Variants in SLC5A12 observed in about 807,000 individuals in gnomAD.
SLC5A12 encodes the protein solute carrier family 5 member 12, also known as sodium-coupled monocarboxylate transporter 2.
A neutral mutation model predicts 72.7 loss-of-function variants in SLC5A12; 46 were observed. That is an observed-to-expected ratio of 0.63 (90% confidence interval 0.50 to 0.81). SLC5A12 has a LOEUF of 0.81. SLC5A12 is among the 30% of genes least tolerant of loss of function. The probability of loss-of-function intolerance (pLI) is 0.00; values close to 1 mark genes in which losing one functional copy is unlikely to be tolerated. For synonymous variants in SLC5A12, 275 were observed against 264.4 expected (o/e 1.04, Z -0.39); for missense variants, 683 against 740.7 (o/e 0.92, Z 0.90).
At chr11:26,701,231 C>T (rs2133191121) in intron 6 of SLC5A12, among the ~76,000 whole-genome samples, 1 of 152,286 alleles carries the variant, frequency 6.6e-6, no homozygotes, top group Non-Finnish European at 1.5e-5. Flanking sequence ...TTTCTCTCTC[C>T]TGAATTTTAT....
chr11:26,689,816 T>A (rs545770134), intron 9 of SLC5A12, among the ~76,000 whole-genome samples: 44 of 152,210 alleles, frequency 2.9e-4, no homozygotes, highest in African/African-American at 1.1e-3. Flanking sequence ...AATAGACAAC[T>A]GGATGAATAC....
chr11:26,709,759 G>T (rs955833141), intron 3 of SLC5A12, among the ~76,000 whole-genome samples: 4 of 152,038 alleles, frequency 2.6e-5, no homozygotes, highest in Non-Finnish European at 4.4e-5. Flanking sequence ...GGCCTTAGAG[G>T]TTCCACTAGG....
rs1049105024 is a variant in SLC5A12, at chr11:26,667,874, C to T, written c.*3228G>A. On this transcript the variant is annotated 3_prime_UTR_variant, in exon 15 of 15. Coordinates refer to ENST00000396005, the MANE Select transcript of SLC5A12 (RefSeq NM_178498.4). The stretch of plus-strand genomic sequence containing the variant: ...TCAAAATAGTAACATATATTCTGAT[C>T]CCACATCTTAAAAATCCTGAAGAGA... 1.3e-5 allele frequency: 2 copies of T among 151,676 alleles called. No homozygotes were observed. The highest frequency in any genetic ancestry group is 2.1e-4 in the South Asian group (1 of 4,786). 9.4% of individuals were successfully genotyped at this position (151,676 alleles called of 1,614,324 possible). A position where few individuals can be genotyped will look rare whatever the true frequency, so the allele number is the denominator to read the frequency against.
chr11:26,698,496 C>A lies in SLC5A12; in HGVS notation c.861G>T (p.Leu287=), dbSNP rs753462089. The change falls in exon 7 of 15, where the codon CTG becomes CTT. Residue 287 remains leucine (L), a synonymous_variant. Coordinates refer to ENST00000396005, the MANE Select transcript of SLC5A12 (RefSeq NM_178498.4). ...YFNLLGLWII[L]VCAVFSGLIM... ...TTAAGCCAGAGAAGACAGCACACAC[C>A]AGAATGATCCAGAGACCCAGCAAGT... 1 of 1,613,932 alleles carries A rather than the reference C, an allele frequency of 6.2e-7. No individual in the cohort carries two copies. The highest frequency in any genetic ancestry group is 8.5e-7 in the Non-Finnish European group (1 of 1,179,946).
chr11:26,681,479 A>G (rs557388462), intron 11 of SLC5A12, among the ~76,000 whole-genome samples: 2 of 152,250 alleles, frequency 1.3e-5, no homozygotes, highest in East Asian at 1.9e-4. Context: ...AGCAATAATT[A>G]TTTTTCTCCT....
intron 4 of SLC5A12, among the ~76,000 whole-genome samples, chr11:26,705,265 T>C (rs573421511): frequency 2.0e-5 from 3 of 152,078 alleles, no homozygotes; most frequent in South Asian, 2.1e-4. Flanking sequence ...GAGAGGCTGT[T>C]GTAGTATTAC....
chr11:26,683,832 G>A lies in SLC5A12; in HGVS notation c.1233C>T (p.Ser411=). ...VMGGVVQASL[S]IHGMCGGPML... ...TTGGTCCTCCACACATGCCGTGAATGCTGAGGGAAGCCTGTGGAACAAAGG... is the reference window on the plus strand; with the variant it reads ...TTGGTCCTCCACACATGCCGTGAATACTGAGGGAAGCCTGTGGAACAAAGG... Residue 411 remains serine (S), a synonymous_variant, in exon 11 of 15, where the codon AGC becomes AGT. Transcript: ENST00000396005. 6.3e-7 allele frequency: 1 copy of A among 1,594,392 alleles called. No homozygotes were observed. The highest frequency in any genetic ancestry group is 8.5e-7 in the Non-Finnish European group (1 of 1,170,948).
chr11:26,683,715 A>C (rs1590713199), intron 11 of SLC5A12, 42 bp downstream of exon 11: 5 of 1,514,470 alleles, frequency 3.3e-6, no homozygotes, highest in African/African-American at 2.7e-5. Context: ...GGCTGGGCCC[A>C]GTTTTGACTG....
intron 12 of SLC5A12, among the ~76,000 whole-genome samples, 173 bp from the exon 13 acceptor site, chr11:26,678,988 A>G (rs1854329821): frequency 6.6e-6 from 1 of 152,176 alleles, no homozygotes; most frequent in Non-Finnish European, 1.5e-5. Context: ...CACTCAATTC[A>G]ATTCATTCCT....
intron 10 of SLC5A12, among the ~76,000 whole-genome samples, chr11:26,684,057 T>C (rs1250329149): frequency 6.6e-6 from 1 of 152,070 alleles, no homozygotes; most frequent in African/African-American, 2.4e-5. Flanking sequence ...TGTGTGTTTG[T>C]ATAGTAGAAA....
intron 4 of SLC5A12, among the ~76,000 whole-genome samples, chr11:26,705,595 G>A (rs1176868295): frequency 6.6e-6 from 1 of 151,984 alleles, no homozygotes; most frequent in Non-Finnish European, 1.5e-5. Context: ...CAAAGGCACT[G>A]TATTTATATA....
At position 26,669,352 on chromosome 11, in the gene SLC5A12, A is replaced by C. The variant is rs1213869495; in HGVS notation, c.*1750T>G. On this transcript the variant is annotated 3_prime_UTR_variant, in exon 15 of 15. Transcript: ENST00000396005. ...AAGAGTGTCACAAATCATTTGGAAA[A>C]TAATTGCACCTCTCAATTTGCAAAT... 2.0e-5 allele frequency: 3 copies of C among 151,740 alleles called. No individual in the cohort carries two copies. The highest frequency in any genetic ancestry group is 4.4e-5 in the Non-Finnish European group (3 of 67,922). 9.4% of individuals were successfully genotyped at this position (151,740 alleles called of 1,614,324 possible). A position where few individuals can be genotyped will look rare whatever the true frequency, so the allele number is the denominator to read the frequency against.
rs756622237 is a variant in SLC5A12, at chr11:26,686,472, G to A, written c.1221+5C>T. 20 of 1,613,108 alleles carry A rather than the reference G, an allele frequency of 1.2e-5. No individual in the cohort carries two copies. Among genetic ancestry groups the A allele is most frequent in the South Asian group, 4.4e-5 (4 of 90,992 alleles). On this transcript the variant is annotated splice_donor_5th_base_variant and intron_variant, in intron 10 of 14. Coordinates refer to ENST00000396005, the MANE Select transcript of SLC5A12 (RefSeq NM_178498.4). ...ACCAAATGTGTCTTTTCCTTCTTTC[G>A]TTACCTGCACAACACCTCCCATGAC...
At position 26,697,222 on chromosome 11, in the gene SLC5A12, C is replaced by T; in HGVS notation, c.982G>A (p.Ala328Thr). Residue 328 changes from alanine to threonine, a missense_variant, in exon 8 of 15, where the codon GCC (alanine) becomes ACC (threonine). Transcript: ENST00000396005. ...LMPYFVMEIF[A>T]TMPGLPGLFV... ...AGTCCTGGCAGTCCTGGCATTGTGG[C>T]AAATATCTCCATGACAAAGTACGGC... is the stretch of plus-strand genomic sequence containing the variant. 6.2e-7 allele frequency: 1 copy of T among 1,612,700 alleles called. No individual in the cohort carries two copies. The highest frequency in any genetic ancestry group is 8.5e-7 in the Non-Finnish European group (1 of 1,179,612).
In SLC5A12 at chr11:26,668,471, C is replaced by T. The variant is rs1854050278; in HGVS notation, c.*2631G>A. 1 of 152,078 alleles carries T rather than the reference C, an allele frequency of 6.6e-6. No individual in the cohort carries two copies. Among genetic ancestry groups the T allele is most frequent in the Non-Finnish European group, 1.5e-5 (1 of 68,014 alleles). The allele number at this position is 152,078 out of a possible 1,614,324, so 9.4% of individuals were successfully genotyped here. A position where few individuals can be genotyped will look rare whatever the true frequency, so the allele number is the denominator to read the frequency against. ...TGGATGGAACTTGTCACTGAACTGT[C>T]TTTGTACTGCACCAGTGGCCTTGGC... On this transcript the variant is annotated 3_prime_UTR_variant, in exon 15 of 15. Transcript: ENST00000396005.
upstream of SLC5A12, among the ~76,000 whole-genome samples, chr11:26,722,906 T>C (rs1482566747): frequency 6.6e-6 from 1 of 150,768 alleles, no homozygotes; most frequent in Non-Finnish European, 1.5e-5. Context: ...CTGTGAAGCT[T>C]TTCTGCCTCT....
At chr11:26,676,358 AC>A (rs373515542) in intron 13 of SLC5A12, among the ~76,000 whole-genome samples, 8,920 of 141,116 alleles carry the variant, frequency 0.063, 371 homozygotes, top group Admixed American at 0.15. Flanking sequence ...TTTCTAGAAA[AC>A]AAAAAAAAAA....
At chr11:26,705,133 G>C (rs1287495893) in intron 4 of SLC5A12, among the ~76,000 whole-genome samples, 9 of 152,012 alleles carry the variant, frequency 5.9e-5, no homozygotes, top group Admixed American at 5.9e-4. Flanking sequence ...TATCCCCAAG[G>C]GTTGTGAATT....
chr11:26,677,654 T>A (rs1854296326), intron 13 of SLC5A12, among the ~76,000 whole-genome samples: 2 of 152,180 alleles, frequency 1.3e-5, no homozygotes, highest in South Asian at 4.1e-4. Flanking sequence ...AGACTGGGGT[T>A]ACAAGATTTA....
Sources: gnomAD v4.1 joint callset for allele counts (sites outside exome capture counted in the v4.1 genomes callset) on GRCh38, gnomAD v4.1.1 for gene constraint, MANE v1.5 for transcripts, NCBI Gene and HGNC (gene_info 2026-07-23, HGNC 2026-07-21) for gene names.